Variants in ACP6 observed in about 807,000 individuals in gnomAD.
The protein encoded by ACP6 is lysophosphatidic acid phosphatase type 6.
In ACP6, 48 loss-of-function variants were observed where a neutral mutation model predicts 48.1. The ratio of observed to expected loss-of-function variants is 1.00; its 90% CI spans 0.79 to 1.27. The LOEUF is 1.27. ACP6 is among the 50% of genes most tolerant of loss of function. The pLI, the probability that ACP6 is intolerant of heterozygous loss-of-function variation, is 0.00. For missense variants in ACP6, 485 were observed against 529.1 expected, an observed-to-expected ratio of 0.92 and a Z score of 0.82; for synonymous variants, 172 against 204.2, an observed-to-expected ratio of 0.84 and a Z score of 1.34.
Position 147,669,932 on chromosome 1 carries a change from G to C in ACP6, c.117C>G (p.Gly39=), listed in dbSNP as rs140087358. 3 of 1,562,232 alleles carry C rather than the reference G, an allele frequency of 1.9e-6. No individual in the cohort carries two copies. The Admixed American group carries it at 5.6e-5, about 29-fold the overall frequency. Residue 39 remains glycine, a synonymous_variant, in exon 1 of 10, where the codon GGC becomes GGG. Coordinates refer to ENST00000583509, the MANE Select transcript of ACP6 (RefSeq NM_016361.5). ...VALAELQEAD[G]QCPVDRSLLK... is the part of the protein sequence containing the mutation. ...GCAGGCTGCGGTCGACCGGACACTG[G>C]CCATCGGCCTCCTGCAGCTCGGCCA...
chr1:147,664,241 T>TA (rs751963257), intron 1 of ACP6, among the ~76,000 whole-genome samples: 27 of 151,832 alleles, frequency 1.8e-4, no homozygotes, highest in African/African-American at 4.4e-4. Context: ...CCCCTCTGGA[T>TA]AAAAAAAACC....
intron 1 of ACP6, among the ~76,000 whole-genome samples, chr1:147,664,448 T>A (rs1553213254): frequency 6.6e-6 from 1 of 152,232 alleles, no homozygotes; most frequent in Non-Finnish European, 1.5e-5. Context: ...GTTCATTCCT[T>A]AAGACTTAGC....
At chr1:147,632,194 A>AACACACACACACACACAC (rs71584653) in intron 5 of ACP6, among the ~76,000 whole-genome samples, 38 of 145,930 alleles carry the variant, frequency 2.6e-4, no homozygotes, top group African/African-American at 4.1e-4. Context: ...ACCTATGCCC[A>AACACACACACACACACAC]ACACACACAC....
In ACP6 at chr1:147,670,012, G is replaced by T. The variant is rs1326775703; in HGVS notation, c.37C>A (p.Pro13Thr). 7.8e-6 allele frequency: 12 copies of T among 1,545,162 alleles called. No individual in the cohort carries two copies. The highest frequency in any genetic ancestry group is 1.0e-5 in the Non-Finnish European group (12 of 1,144,192). Reference sequence around the variant, plus strand: ...GCCAGCGAGGTCAGGACGCCCACTGGGGTCCACAAGCGCATGCTGAACACA... The same window carrying T: ...GCCAGCGAGGTCAGGACGCCCACTGTGGTCCACAAGCGCATGCTGAACACA... ...TGVFSMRLWT[P>T]VGVLTSLAYC... The change falls in exon 1 of 10, where the codon CCA (proline) becomes ACA (threonine). Residue 13 changes from proline to threonine, a missense_variant. Pro to Thr is a conservative substitution (Grantham distance 38). Coordinates refer to ENST00000583509, the MANE Select transcript of ACP6 (RefSeq NM_016361.5).
chr1:147,633,126 A>G (rs1234791378), intron 5 of ACP6, among the ~76,000 whole-genome samples: 1 of 152,196 alleles, frequency 6.6e-6, no homozygotes, highest in Non-Finnish European at 1.5e-5. Flanking sequence ...TAATATTTAG[A>G]AAATTCTGCC....
rs1659678363 is a variant in ACP6, at chr1:147,647,470, CGTG to C, written c.1237_1239del (p.His413del). 1.2e-6 allele frequency: 2 copies of C among 1,614,194 alleles called. No homozygotes were observed. The highest frequency in any genetic ancestry group is 1.7e-6 in the Non-Finnish European group (2 of 1,180,032). ...ATCACCTGAGTTTGAGAGCAGAGTG[CGTG>C]GTATTTTTCTGGGCTTAAGGTATAA... On this transcript the variant is annotated inframe_deletion, in exon 10 of 10. Coordinates refer to ENST00000583509, the MANE Select transcript of ACP6 (RefSeq NM_016361.5).
intron 1 of ACP6, among the ~76,000 whole-genome samples, chr1:147,661,775 CACAA>C (rs1660558561): frequency 6.6e-6 from 1 of 152,136 alleles, no homozygotes; most frequent in African/African-American, 2.4e-5. Context: ...CTGGTGAACA[CACAA>C]ACAATGAGAA....
At chr1:147,663,757 C>G (rs1660662778) in intron 1 of ACP6, among the ~76,000 whole-genome samples, 1 of 152,202 alleles carries the variant, frequency 6.6e-6, no homozygotes, top group South Asian at 2.1e-4. Context: ...TCTGCATCTT[C>G]TTCCAGCTTG....
At chr1:147,653,720 T>C (rs1395587143) in intron 6 of ACP6, among the ~76,000 whole-genome samples, 2 of 152,196 alleles carry the variant, frequency 1.3e-5, no homozygotes, top group African/African-American at 4.8e-5. Flanking sequence ...TAGTCTTCTT[T>C]ATGTATTTAT....
At chr1:147,649,944 T>C in intron 8 of ACP6, 199 bp downstream of exon 8, 1 of 525,066 alleles carries the variant, frequency 1.9e-6, no homozygotes, top group East Asian at 3.5e-5. Context: ...AAATAAAATT[T>C]TCAAAACATG....
At chr1:147,635,559 T>A (rs782209130) in intron 5 of ACP6, among the ~76,000 whole-genome samples, 1 of 152,184 alleles carries the variant, frequency 6.6e-6, no homozygotes, top group African/African-American at 2.4e-5. Context: ...AGTATTATCA[T>A]GAGTAAAAAT....
At chr1:147,648,219 C>T (rs1553209821) in intron 9 of ACP6, 27 bp downstream of exon 9, 2 of 1,612,124 alleles carry the variant, frequency 1.2e-6, no homozygotes, top group Non-Finnish European at 1.7e-6. Context: ...GCCTCACCAC[C>T]ACCCAACCCC....
In ACP6 at chr1:147,647,431, C is replaced by G; in HGVS notation, c.1279G>C (p.Glu427Gln). 1 of 1,614,090 alleles carries G rather than the reference C, an allele frequency of 6.2e-7. No homozygotes were observed. Among genetic ancestry groups the G allele is most frequent in the East Asian group, 2.2e-5 (1 of 44,886 alleles). Residue 427 changes from glutamate to glutamine, a missense_variant, in exon 10 of 10, where the codon GAA becomes CAA. Transcript: ENST00000583509. The part of the protein sequence containing the change: ...SQTQVMEVGN[E>Q]E ...CTGCTTTTATAAATCAGTTACTCTT[C>G]ATTTCCAACTTCCATCACCTGAGTT...
rs587660146 is a variant in ACP6 at position 147,643,619 on chromosome 1, T to G, written c.*3804A>C. The G allele has an allele frequency of 1.3e-5, 2 of 152,276 alleles. No individual in the cohort carries two copies. Among genetic ancestry groups the G allele is most frequent in the South Asian group, 4.1e-4 (2 of 4,826 alleles). 9.4% of individuals were successfully genotyped at this position (152,276 alleles called of 1,614,324 possible). On this transcript the variant is annotated 3_prime_UTR_variant, in exon 10 of 10. Coordinates refer to ENST00000583509, the MANE Select transcript of ACP6 (RefSeq NM_016361.5). ...GCTCAGGACTACTTGGCATACTCCA[T>G]CTTCAACGATAGTAAGAATGGGATG...
intron 3 of ACP6, 72 bp from the exon 4 acceptor site, chr1:147,659,111 A>G: frequency 3.6e-6 from 5 of 1,382,784 alleles, no homozygotes; most frequent in Non-Finnish European, 5.0e-6. Flanking sequence ...TTTATTCCAC[A>G]TACGCTCCAG....
intron 1 of ACP6, among the ~76,000 whole-genome samples, chr1:147,669,503 T>A (rs1195570843): frequency 1.3e-5 from 2 of 152,168 alleles, no homozygotes; most frequent in African/African-American, 2.4e-5. Flanking sequence ...TTAATAGAAA[T>A]GCTGACCTGG....
chr1:147,650,487 G>C, intron 7 of ACP6: 1 of 381,866 alleles, frequency 2.6e-6, no homozygotes, highest in Non-Finnish European at 4.7e-6. Flanking sequence ...ACTGAGATGG[G>C]AGGGGCTGAG....
Position 147,654,306 on chromosome 1 carries a change from G to A in ACP6, c.668C>T (p.Ser223Phe). Residue 223 changes from serine to phenylalanine, a missense_variant, in exon 6 of 10, where the codon TCT (serine) becomes TTT (phenylalanine). Ser to Phe is a radical substitution (Grantham distance 155). Transcript: ENST00000583509. ...QRTRGRRQTASLQPGISEDLK... is the reference protein window; with the variant it reads ...QRTRGRRQTAFLQPGISEDLK... ...ATCCTCTGAGATTCCTGGCTGTAAA[G>A]AGGCAGTCTGCCTCCGGCCTCTGAC... 6.2e-7 allele frequency: 1 copy of A among 1,614,172 alleles called. No homozygotes were observed. Among genetic ancestry groups the A allele is most frequent in the Non-Finnish European group, 8.5e-7 (1 of 1,180,034 alleles).
chr1:147,658,991 C>A lies in ACP6; in HGVS notation c.528G>T (p.Leu176Phe), dbSNP rs1478050480. The A allele has an allele frequency of 6.2e-7, 1 of 1,611,838 alleles. No individual in the cohort carries two copies. Among genetic ancestry groups the A allele is most frequent in the Non-Finnish European group, 8.5e-7 (1 of 1,178,676 alleles). The change falls in exon 4 of 10, where the codon TTG (leucine) becomes TTT (phenylalanine). Residue 176 changes from leucine (L) to phenylalanine (F), a missense_variant. Transcript: ENST00000583509. ...IFRNLESTRC[L>F]LAGLFQCQKE... is the part of the protein sequence containing the mutation. The stretch of plus-strand genomic sequence containing the variant: ...TCTGACACTGGAAAAGCCCAGCCAG[C>A]AAACAACGGGTGGACTCCAGATTCC...
Sources: gnomAD v4.1 joint callset for allele counts (sites outside exome capture counted in the v4.1 genomes callset) on GRCh38, gnomAD v4.1.1 for gene constraint, MANE v1.5 for transcripts, NCBI Gene and HGNC (gene_info 2026-07-23, HGNC 2026-07-21) for gene names.